ARHGAP22: variants seen among roughly 807,000 people sequenced by gnomAD.
ARHGAP22 encodes rho GTPase-activating protein 22.
Under a neutral mutation model 59.1 loss-of-function variants are expected in ARHGAP22, and 48 were observed. The ratio of observed to expected loss-of-function variants is 0.81; its 90% confidence interval spans 0.64 to 1.03. The LOEUF (loss-of-function observed/expected upper bound fraction) is 1.03. Among genes scored for constraint, ARHGAP22 ranks in the 50% least tolerant of loss-of-function variants. ARHGAP22 has a pLI of 0.00. For synonymous variants in ARHGAP22, 445 were observed against 416.4 expected, an observed-to-expected ratio of 1.07 and a Z score of -0.84; for missense variants, 1,015 against 958.7, an observed-to-expected ratio of 1.06 and a Z score of -0.78.
At chr10:48,453,463 G>T in intron 7 of ARHGAP22, 38 bp from the exon 8 acceptor site, 1 of 1,611,150 alleles carries the variant, frequency 6.2e-7, no homozygotes, top group African/African-American at 1.3e-5. Context: ...AAAGAAGCAA[G>T]TTGTGATGCC....
chr10:48,653,618 G>A (rs988979977), upstream of ARHGAP22, among the ~76,000 whole-genome samples: 3 of 152,196 alleles, frequency 2.0e-5, no homozygotes, highest in African/African-American at 7.2e-5. Context: ...GAGCAGCAAG[G>A]GCCAAAACCC....
At chr10:48,579,773 G>A (rs1287638943) in intron 2 of ARHGAP22, among the ~76,000 whole-genome samples, 1 of 151,764 alleles carries the variant, frequency 6.6e-6, no homozygotes, top group Non-Finnish European at 1.5e-5. Context: ...ACAGGAGAGT[G>A]CTGACCGCCT....
In ARHGAP22 at chr10:48,450,919, G is replaced by C. The variant is rs1326939284; in HGVS notation, c.1210C>G (p.Leu404Val). The C allele has an allele frequency of 6.3e-7, 1 of 1,595,756 alleles. No individual in the cohort carries two copies. The highest frequency in any genetic ancestry group is 8.5e-7 in the Non-Finnish European group (1 of 1,172,188). The change falls in exon 9 of 10, where the codon CTC becomes GTC. Residue 404 changes from leucine (L) to valine (V), a missense_variant. Leu to Val is a conservative substitution (Grantham distance 32, BLOSUM62 1). Transcript: ENST00000249601. Reference protein sequence around the residue: ...SSLDGAAVAVLSRTAPTGPGS... With the variant: ...SSLDGAAVAVVSRTAPTGPGS... ...GGCCCCGTGGGGGCTGTTCTGGAGAGCACCGCCACGGCCGCCCCGTCCAGG... is the reference window on the plus strand; with the variant it reads ...GGCCCCGTGGGGGCTGTTCTGGAGACCACCGCCACGGCCGCCCCGTCCAGG...
intron 1 of ARHGAP22, among the ~76,000 whole-genome samples, chr10:48,612,158 T>C (rs1220760852): frequency 1.3e-5 from 2 of 152,030 alleles, no homozygotes; most frequent in Admixed American, 1.3e-4. Flanking sequence ...CCCCTCCTTT[T>C]GCATCTTTAA....
intron 2 of ARHGAP22, among the ~76,000 whole-genome samples, chr10:48,561,743 A>G (rs765520633): frequency 6.6e-6 from 1 of 152,238 alleles, no homozygotes; most frequent in Non-Finnish European, 1.5e-5. Context: ...GATCTTCAAC[A>G]TCATTAGTAG....
downstream of ARHGAP22, chr10:48,443,834 A>ATCT (rs1173385496): frequency 1.3e-5 from 2 of 152,260 alleles, no homozygotes; most frequent in African/African-American, 4.8e-5. Context: ...AAGACAAGGA[A>ATCT]TCTTCCTTTT....
chr10:48,639,050 A>AACAGAATG (rs1565041279), intron 1 of ARHGAP22, among the ~76,000 whole-genome samples: 1 of 152,252 alleles, frequency 6.6e-6, no homozygotes, highest in Non-Finnish European at 1.5e-5. Flanking sequence ...TTTGAGTAAG[A>AACAGAATG]ACAGAATGAG....
intron 3 of ARHGAP22, among the ~76,000 whole-genome samples, chr10:48,537,128 T>G (rs2055436727): frequency 6.6e-6 from 1 of 152,242 alleles, no homozygotes; most frequent in Admixed American, 6.5e-5. Context: ...GAAGGTTAGC[T>G]TCTCTTAATT....
chr10:48,557,379 C>A (rs2057374939), intron 2 of ARHGAP22, among the ~76,000 whole-genome samples: 1 of 152,158 alleles, frequency 6.6e-6, no homozygotes, highest in South Asian at 2.1e-4. Flanking sequence ...TTGCTTTCTA[C>A]TATAGCTAAA....
intron 1 of ARHGAP22, among the ~76,000 whole-genome samples, chr10:48,614,593 A>G (rs2061011490): frequency 1.3e-5 from 2 of 152,350 alleles, no homozygotes; most frequent in East Asian, 3.9e-4. Context: ...AGCAGCAGCA[A>G]CAACAACAAA....
At chr10:48,590,656 G>A (rs1280606360) in intron 1 of ARHGAP22, among the ~76,000 whole-genome samples, 1 of 152,226 alleles carries the variant, frequency 6.6e-6, no homozygotes, top group Non-Finnish European at 1.5e-5. Context: ...AGGACTACAG[G>A]TCGCGCTGTG....
At chr10:48,551,482 A>C (rs1590122528) in intron 3 of ARHGAP22, among the ~76,000 whole-genome samples, 2 of 152,330 alleles carry the variant, frequency 1.3e-5, no homozygotes, top group East Asian at 3.9e-4. Flanking sequence ...CATGAAAAGC[A>C]AATCTTGTGT....
intron 1 of ARHGAP22, among the ~76,000 whole-genome samples, chr10:48,632,037 TG>T (rs1308607441): frequency 6.6e-6 from 1 of 152,184 alleles, no homozygotes; most frequent in Non-Finnish European, 1.5e-5. Context: ...AATTCTATAG[TG>T]GGGAATTCTG....
intron 2 of ARHGAP22, among the ~76,000 whole-genome samples, chr10:48,562,225 CA>C (rs372671006): frequency 8.2e-4 from 113 of 138,372 alleles, no homozygotes; most frequent in Admixed American, 1.0e-3. Flanking sequence ...GACTCCATCT[CA>C]AAAAAAAAAA....
chr10:48,472,577 AC>A (rs1200342192), intron 4 of ARHGAP22, among the ~76,000 whole-genome samples: 1 of 152,184 alleles, frequency 6.6e-6, no homozygotes, highest in Non-Finnish European at 1.5e-5. Context: ...CAGCTAGAGT[AC>A]TAAAAGGGGC....
intron 3 of ARHGAP22, among the ~76,000 whole-genome samples, chr10:48,484,376 T>C (rs2049646999): frequency 6.6e-6 from 1 of 152,276 alleles, no homozygotes. Context: ...ATCCCTTTTA[T>C]ATATTGTTGT....
At chr10:48,620,341 A>C (rs1195587246) in intron 1 of ARHGAP22, among the ~76,000 whole-genome samples, 1 of 151,986 alleles carries the variant, frequency 6.6e-6, no homozygotes, top group African/African-American at 2.4e-5. Flanking sequence ...TAGGTAGGGC[A>C]TACATTATCT....
chr10:48,463,612 C>T (rs2047367389), intron 4 of ARHGAP22, among the ~76,000 whole-genome samples: 1 of 152,216 alleles, frequency 6.6e-6, no homozygotes, highest in African/African-American at 2.4e-5. Flanking sequence ...CTGGGTAGCG[C>T]TTTCCTCTTC....
intron 4 of ARHGAP22, among the ~76,000 whole-genome samples, chr10:48,462,791 T>TTGG (rs2047277108): frequency 6.6e-6 from 1 of 152,230 alleles, no homozygotes; most frequent in African/African-American, 2.4e-5. Context: ...CAGGAGGTGA[T>TTGG]CCTGCTGCAA....
Sources: gnomAD v4.1 joint callset for allele counts (sites outside exome capture counted in the v4.1 genomes callset) on GRCh38, gnomAD v4.1.1 for gene constraint, MANE v1.5 for transcripts, NCBI Gene and HGNC (gene_info 2026-07-23, HGNC 2026-07-21) for gene names.